Variants in TMCO4 observed in about 807,000 individuals in gnomAD.
The protein encoded by TMCO4 is transmembrane and coiled-coil domains 4, also known as transmembrane and coiled-coil domain-containing protein 4.
A neutral mutation model predicts 64.7 loss-of-function variants in TMCO4; 58 were observed. The observed-to-expected ratio is 0.90, with a 90% CI of 0.73 to 1.12. TMCO4 has a LOEUF of 1.12. Among genes scored for constraint, TMCO4 ranks in the 50% most tolerant of loss-of-function variants. The probability of loss-of-function intolerance (pLI) is 0.00; values close to 1 mark genes in which losing one functional copy is unlikely to be tolerated. For synonymous variants in TMCO4, 325 were observed against 346.1 expected, an observed-to-expected ratio of 0.94 and a Z score of 0.68; for missense variants, 780 against 825.9, an observed-to-expected ratio of 0.94 and a Z score of 0.68.
At chr1:19,693,211 G>A (rs1332322652) in intron 15 of TMCO4, among the ~76,000 whole-genome samples, 7 of 137,506 alleles carry the variant, frequency 5.1e-5, no homozygotes, top group African/African-American at 1.3e-4. Flanking sequence ...GGCCAGGCAC[G>A]GTGGCTCATG....
At chr1:19,695,680 T>C (rs2095231518) in intron 14 of TMCO4, among the ~76,000 whole-genome samples, 1 of 152,098 alleles carries the variant, frequency 6.6e-6, no homozygotes, top group Non-Finnish European at 1.5e-5. Flanking sequence ...ACACAGGGCA[T>C]GGTGGTGCTC....
At chr1:19,744,663 T>C (rs1025335330) in intron 10 of TMCO4, among the ~76,000 whole-genome samples, 1 of 152,196 alleles carries the variant, frequency 6.6e-6, no homozygotes, top group Non-Finnish European at 1.5e-5. Flanking sequence ...CTTTTGGTTC[T>C]TTCAAACCGC....
intron 4 of TMCO4, among the ~76,000 whole-genome samples, chr1:19,777,324 T>C (rs1371730301): frequency 1.3e-5 from 2 of 150,408 alleles, no homozygotes; most frequent in Non-Finnish European, 2.9e-5. Flanking sequence ...CCAACAGAAC[T>C]GTTCAGAAGC....
At position 19,740,903 on chromosome 1, in the gene TMCO4, G is replaced by C; in HGVS notation, c.916C>G (p.Arg306Gly). The change falls in exon 11 of 16, where the codon CGT becomes GGT. Residue 306 changes from arginine to glycine, a missense_variant. Transcript: ENST00000294543. Reference sequence around the variant, plus strand: ...TCCCAGGCCAGGCAGTACTGCTCACGGCTGTGGGCCAGGGCAGCCCACGGG... The same window carrying C: ...TCCCAGGCCAGGCAGTACTGCTCACCGCTGTGGGCCAGGGCAGCCCACGGG... ...SAPWAALAHS[R>G]EQYCLAWEAK... The C allele has an allele frequency of 6.2e-7, 1 of 1,613,862 alleles. No individual in the cohort carries two copies. The highest frequency in any genetic ancestry group is 8.5e-7 in the Non-Finnish European group (1 of 1,179,928).
At chr1:19,774,024 G>A (rs2043100990) in intron 4 of TMCO4, among the ~76,000 whole-genome samples, 1 of 152,164 alleles carries the variant, frequency 6.6e-6, no homozygotes, top group African/African-American at 2.4e-5. Context: ...GGTGAGTTGG[G>A]CAGGTTAAAT....
intron 10 of TMCO4, among the ~76,000 whole-genome samples, chr1:19,741,215 C>T (rs1375186533): frequency 6.6e-6 from 1 of 152,196 alleles, no homozygotes; most frequent in Non-Finnish European, 1.5e-5. Context: ...CACTTTGCTT[C>T]TATGTGAAGT....
In TMCO4 at chr1:19,683,097, T is replaced by C. The variant is rs1312638687; in HGVS notation, c.1848A>G (p.Pro616=). The C allele has an allele frequency of 1.9e-6, 3 of 1,610,422 alleles. No homozygotes were observed. Among genetic ancestry groups the C allele is most frequent in the Non-Finnish European group, 2.5e-6 (3 of 1,178,452 alleles). ...TGCAGGCACAATCGGGGCAGCCCAG[T>C]GGGTTGGGGTCCATGCCATGGCTGC... ...PICSHGMDPN[P]LGCPDCACKT... Residue 616 remains proline, a synonymous_variant, in exon 16 of 16, where the codon CCA becomes CCG. Transcript: ENST00000294543.
Position 19,739,898 on chromosome 1 carries a change from G to T in TMCO4, c.1105C>A (p.Pro369Thr), listed in dbSNP as rs2095471367. ...GATCGATGGAGACACACCCCCCAGG[G>T]GTTGTCGATGACATTGGCGACACTG... ...LLSVANVIDN[P>T]WGVCLHRSAE... is the part of the protein sequence containing the mutation. Residue 369 changes from proline (P) to threonine (T), a missense_variant, in exon 12 of 16, where the codon CCC (proline) becomes ACC (threonine). Coordinates refer to ENST00000294543, the MANE Select transcript of TMCO4 (RefSeq NM_181719.7). 6.2e-6 allele frequency: 10 copies of T among 1,613,924 alleles called. No individual in the cohort carries two copies. Among genetic ancestry groups the T allele is most frequent in the Non-Finnish European group, 8.5e-6 (10 of 1,180,012 alleles).
At chr1:19,769,316 C>T (rs2042879584) in intron 6 of TMCO4, among the ~76,000 whole-genome samples, 1 of 152,156 alleles carries the variant, frequency 6.6e-6, no homozygotes, top group African/African-American at 2.4e-5. Flanking sequence ...GGCAGCCCCT[C>T]ACCCCTCCTC....
intron 6 of TMCO4, among the ~76,000 whole-genome samples, chr1:19,768,360 C>T (rs1161430689): frequency 1.3e-5 from 2 of 152,206 alleles, no homozygotes; most frequent in Admixed American, 1.3e-4. Context: ...TGCAACTCAG[C>T]CTTTCTCTCC....
intron 7 of TMCO4, among the ~76,000 whole-genome samples, chr1:19,753,841 A>T (rs1169081917): frequency 6.6e-6 from 1 of 152,202 alleles, no homozygotes; most frequent in Non-Finnish European, 1.5e-5. Flanking sequence ...ACATGTGTGA[A>T]GCCTTTTCCT....
chr1:19,793,944 C>G (rs1456550473), intron 2 of TMCO4, among the ~76,000 whole-genome samples: 1 of 152,142 alleles, frequency 6.6e-6, no homozygotes, highest in Non-Finnish European at 1.5e-5. Context: ...TCAGGCCATG[C>G]CCTTCCTCTG....
At chr1:19,778,861 CCT>C (rs1339060785) in intron 4 of TMCO4, among the ~76,000 whole-genome samples, 2 of 152,114 alleles carry the variant, frequency 1.3e-5, no homozygotes, top group Non-Finnish European at 2.9e-5. Flanking sequence ...CAAGGTAGCC[CCT>C]GCCCTCCCGA....
At chr1:19,775,349 C>T (rs1001863078) in intron 4 of TMCO4, among the ~76,000 whole-genome samples, 23 of 152,254 alleles carry the variant, frequency 1.5e-4, no homozygotes, top group Non-Finnish European at 5.9e-5. Context: ...AGTGCTGGGA[C>T]TACAGGCATG....
At chr1:19,763,405 T>C (rs922924835) in intron 6 of TMCO4, among the ~76,000 whole-genome samples, 1 of 152,204 alleles carries the variant, frequency 6.6e-6, no homozygotes, top group African/African-American at 2.4e-5. Flanking sequence ...CTGGCTTTTG[T>C]TGAGGGACAA....
intron 13 of TMCO4, among the ~76,000 whole-genome samples, chr1:19,712,999 C>T (rs2095338538): frequency 6.6e-6 from 1 of 152,128 alleles, no homozygotes; most frequent in African/African-American, 2.4e-5. Context: ...GGTCTCTCAT[C>T]CCCCCAGGAA....
At chr1:19,784,345 C>T (rs4655159) in intron 3 of TMCO4, among the ~76,000 whole-genome samples, 89,290 of 151,780 alleles carry the variant, frequency 0.59, 26,636 homozygotes, top group South Asian at 0.7. Flanking sequence ...ACCAGCCTGG[C>T]CAACATAGTG....
In TMCO4 at chr1:19,786,467, G is replaced by C. The variant is rs1304758375; in HGVS notation, c.-9+559C>G. Among the ~76,000 whole-genome samples, 3 of 152,292 alleles carry C rather than the reference G, an allele frequency of 2.0e-5. No homozygotes were observed. In the East Asian group the frequency reaches 5.8e-4, roughly 29 times the overall value. ...GGGGTGGGCACGTCTTTGACAAAGGGAAAAGCATGTGTCAAGACCCAGAGG... is the reference window on the plus strand; with the variant it reads ...GGGGTGGGCACGTCTTTGACAAAGGCAAAAGCATGTGTCAAGACCCAGAGG... On this transcript the variant is annotated intron_variant, in intron 3 of 15. Transcript: ENST00000294543.
At chr1:19,789,850 C>T (rs2043938904) in intron 2 of TMCO4, among the ~76,000 whole-genome samples, 1 of 151,892 alleles carries the variant, frequency 6.6e-6, no homozygotes, top group East Asian at 1.9e-4. Flanking sequence ...CCCAGGAGTT[C>T]GAGACCAGCC....
Sources: gnomAD v4.1 joint callset for allele counts (sites outside exome capture counted in the v4.1 genomes callset) on GRCh38, gnomAD v4.1.1 for gene constraint, MANE v1.5 for transcripts, NCBI Gene and HGNC (gene_info 2026-07-23, HGNC 2026-07-21) for gene names.